The following OCA2 variants were observed in gnomAD, a reference collection of about 807,000 sequenced individuals.
OCA2 encodes OCA2 melanosomal transmembrane protein, also known as P protein.
Under a neutral mutation model 100.2 loss-of-function variants are expected in OCA2, and 77 were observed. The observed-to-expected ratio is 0.77, with a 90% CI of 0.64 to 0.93. The LOEUF is 0.93. Ranked by LOEUF, OCA2 falls within the 40% of genes least tolerant of loss-of-function variation. The pLI, the probability that OCA2 is intolerant of heterozygous loss-of-function variation, is 0.00. For missense variants in OCA2, 1,062 were observed against 1,089.1 expected (o/e 0.98, Z 0.35); for synonymous variants, 432 against 439.2 (o/e 0.98, Z 0.21).
At chr15:28,015,693 C>T (rs1485622565) in intron 8 of OCA2, among the ~76,000 whole-genome samples, 1 of 152,178 alleles carries the variant, frequency 6.6e-6, no homozygotes, top group Non-Finnish European at 1.5e-5. Flanking sequence ...AAATGACTGA[C>T]ATTTAAGCCA....
intron 15 of OCA2, among the ~76,000 whole-genome samples, chr15:27,958,217 C>T (rs558940492): frequency 2.6e-5 from 4 of 152,166 alleles, no homozygotes; most frequent in South Asian, 2.1e-4. Context: ...AAAATTATCA[C>T]GAAAGCGAAG....
At chr15:27,841,132 G>T (rs762547715) in intron 23 of OCA2, among the ~76,000 whole-genome samples, 3 of 152,308 alleles carry the variant, frequency 2.0e-5, no homozygotes, top group Middle Eastern at 3.4e-3. Flanking sequence ...GCAATGCAAA[G>T]AAATCAAATA....
intron 14 of OCA2, among the ~76,000 whole-genome samples, chr15:27,982,881 C>A (rs1036593486): frequency 6.6e-6 from 1 of 152,128 alleles, no homozygotes; most frequent in South Asian, 2.1e-4. Context: ...AGAAATTATA[C>A]CCTAATATTT....
intron 2 of OCA2, among the ~76,000 whole-genome samples, chr15:28,046,919 A>G (rs2043365021): frequency 6.6e-6 from 1 of 152,226 alleles, no homozygotes; most frequent in South Asian, 2.1e-4. Flanking sequence ...CCACCTGCTC[A>G]AGATTTCCCT....
At chr15:27,926,559 A>G (rs1184642755) in intron 18 of OCA2, among the ~76,000 whole-genome samples, 2 of 152,140 alleles carry the variant, frequency 1.3e-5, no homozygotes, top group Non-Finnish European at 2.9e-5. Context: ...CTTTCACTAT[A>G]GATTGGCTTA....
chr15:27,798,875 G>A (rs2033463997), intron 23 of OCA2, among the ~76,000 whole-genome samples: 1 of 152,170 alleles, frequency 6.6e-6, no homozygotes, highest in Admixed American at 6.5e-5. Flanking sequence ...GAGACACAAT[G>A]TAGCCATGTA....
chr15:28,050,739 G>A (rs1327563846), intron 2 of OCA2, among the ~76,000 whole-genome samples: 2 of 151,970 alleles, frequency 1.3e-5, no homozygotes, highest in Admixed American at 6.5e-5. Context: ...TCTTGTTGCC[G>A]GCAGAACTAT....
chr15:28,062,094 A>G (rs1456386392), intron 2 of OCA2, among the ~76,000 whole-genome samples: 1 of 152,236 alleles, frequency 6.6e-6, no homozygotes, highest in Non-Finnish European at 1.5e-5. Context: ...AGTAACAGAA[A>G]TGCTGTATCA....
chr15:27,942,645 C>A lies in OCA2; in HGVS notation c.1951+9139G>T, dbSNP rs185653553. On this transcript the variant is annotated intron_variant, in intron 18 of 23. Transcript: ENST00000354638. The stretch of plus-strand genomic sequence containing the variant: ...AAATACACTGAATGATATAATTTTG[C>A]AAGATAAATTTTATGTTGTGTGAAT... 2.4e-4 allele frequency among the ~76,000 whole-genome samples: 37 copies of A among 152,172 alleles called. No homozygotes were observed. The East Asian group carries it at 7.1e-3, about 29-fold the overall frequency.
chr15:27,927,927 G>C (rs1351905689), intron 18 of OCA2, among the ~76,000 whole-genome samples: 1 of 151,622 alleles, frequency 6.6e-6, no homozygotes, highest in African/African-American at 2.4e-5. Flanking sequence ...GAGTAGCTGG[G>C]ATTACAAGTG....
At chr15:27,901,826 T>C (rs1373073454) in intron 19 of OCA2, among the ~76,000 whole-genome samples, 1 of 152,180 alleles carries the variant, frequency 6.6e-6, no homozygotes. Flanking sequence ...AGGTCACAAC[T>C]GTTCAACCCA....
At chr15:27,980,784 T>C (rs2041136009) in intron 14 of OCA2, among the ~76,000 whole-genome samples, 2 of 152,226 alleles carry the variant, frequency 1.3e-5, no homozygotes, top group African/African-American at 4.8e-5. Context: ...TAACATGTCT[T>C]TTTCTTTGGA....
chr15:27,797,286 C>T (rs12592159), intron 23 of OCA2, among the ~76,000 whole-genome samples: 19,753 of 152,114 alleles, frequency 0.13, 1,903 homozygotes, highest in East Asian at 0.45. Flanking sequence ...CCTGCAATGC[C>T]CCATCTTCTT....
At chr15:27,725,134 G>A in the OCA2 span, among the ~76,000 whole-genome samples, 1 of 152,224 alleles carries the variant, frequency 6.6e-6, no homozygotes, top group Admixed American at 6.5e-5. Context: ...GTGGGAGACA[G>A]AGGAGCACCG....
chr15:28,013,874 A>T (rs1359878494), intron 9 of OCA2, among the ~76,000 whole-genome samples: 1 of 151,916 alleles, frequency 6.6e-6, no homozygotes. Context: ...AGGGAACAAA[A>T]CTGTTCTAGA....
intron 7 of OCA2, among the ~76,000 whole-genome samples, chr15:28,016,992 C>T (rs2042414892): frequency 6.7e-6 from 1 of 149,244 alleles, no homozygotes; most frequent in Non-Finnish European, 1.5e-5. Flanking sequence ...AGTGAAGCTT[C>T]ATTCCCTGCC....
intron 22 of OCA2, among the ~76,000 whole-genome samples, chr15:27,845,724 A>C (rs1410835137): frequency 1.3e-5 from 2 of 152,164 alleles, no homozygotes; most frequent in Non-Finnish European, 2.9e-5. Context: ...CATCGTGGTC[A>C]GTGTTCACGA....
At chr15:27,936,240 CA>C (rs2039447022) in intron 18 of OCA2, among the ~76,000 whole-genome samples, 1 of 150,952 alleles carries the variant, frequency 6.6e-6, no homozygotes, top group African/African-American at 2.4e-5. Flanking sequence ...TTGTGGGGAG[CA>C]CCCACTCCAC....
At chr15:27,800,311 AAAAG>A (rs2033540909) in intron 23 of OCA2, among the ~76,000 whole-genome samples, 1 of 152,182 alleles carries the variant, frequency 6.6e-6, no homozygotes, top group African/African-American at 2.4e-5. Context: ...GGAGAAGAAA[AAAAG>A]TAAGTAAGCA....
Sources: allele counts gnomAD v4.1 joint callset (sites outside exome capture counted in the v4.1 genomes callset), GRCh38; gene constraint gnomAD v4.1.1; transcripts MANE v1.5; gene names NCBI Gene and HGNC (gene_info 2026-07-23, HGNC 2026-07-21).